The following CTNNA2 variants were observed in gnomAD, a reference collection of about 807,000 sequenced individuals.
The protein encoded by CTNNA2 is catenin alpha-2.
A neutral mutation model predicts 101.0 loss-of-function variants in CTNNA2; 42 were observed. The ratio of observed to expected loss-of-function variants is 0.42; its 90% confidence interval spans 0.32 to 0.54. The LOEUF (loss-of-function observed/expected upper bound fraction) is 0.54. Ranked by LOEUF, CTNNA2 falls within the 20% of genes least tolerant of loss-of-function variation. The probability of loss-of-function intolerance (pLI) is 0.14; values close to 1 mark genes in which losing one functional copy is unlikely to be tolerated. For missense variants in CTNNA2, 871 were observed against 1,223.1 expected (o/e 0.71, Z 4.29); for synonymous variants, 450 against 456.4 (o/e 0.99, Z 0.18).
At chr2:79,701,598 A>G (rs996005182) in intron 2 of CTNNA2, among the ~76,000 whole-genome samples, 1 of 152,118 alleles carries the variant, frequency 6.6e-6, no homozygotes, top group African/African-American at 2.4e-5. Context: ...GATACTAAAA[A>G]CCTAGTTATC....
At chr2:79,462,998 G>A (rs138835716) in intron 4 of CTNNA2, among the ~76,000 whole-genome samples, 22 of 152,270 alleles carry the variant, frequency 1.4e-4, no homozygotes, top group African/African-American at 4.3e-4. Flanking sequence ...GGTGAAACTC[G>A]CTAGACTATC....
intron 3 of CTNNA2, among the ~76,000 whole-genome samples, chr2:79,830,425 A>T (rs1336158925): frequency 6.6e-6 from 1 of 152,182 alleles, no homozygotes; most frequent in Non-Finnish European, 1.5e-5. Context: ...GTGCTAGGGA[A>T]TCATAGGCCA....
intron 1 of CTNNA2, among the ~76,000 whole-genome samples, chr2:79,624,074 C>T (rs1679161752): frequency 6.6e-6 from 1 of 151,986 alleles, no homozygotes; most frequent in South Asian, 2.1e-4. Flanking sequence ...GTTTTCTATA[C>T]TTTCCTTCTA....
At chr2:79,437,371 C>G (rs912789094) in intron 4 of CTNNA2, among the ~76,000 whole-genome samples, 1 of 152,188 alleles carries the variant, frequency 6.6e-6, no homozygotes. Flanking sequence ...TCTGAGCCAG[C>G]CTGACACAAG....
At chr2:80,575,879 G>A (rs905394496) in intron 13 of CTNNA2, among the ~76,000 whole-genome samples, 4 of 151,920 alleles carry the variant, frequency 2.6e-5, no homozygotes, top group South Asian at 4.1e-4. Context: ...TTGATTAGAC[G>A]GATTTCACAC....
Position 79,836,689 on chromosome 2 carries a change from T to C in CTNNA2, c.299-21324T>C, listed in dbSNP as rs560164546. Among the ~76,000 whole-genome samples the C allele has an allele frequency of 2.6e-5, 4 of 152,340 alleles. No homozygotes were observed. In the East Asian group the frequency reaches 5.8e-4, roughly 22 times the overall value. On this transcript the variant is annotated intron_variant, in intron 3 of 18. Coordinates refer to ENST00000402739, the MANE Select transcript of CTNNA2 (RefSeq NM_001282597.3). The stretch of plus-strand genomic sequence containing the variant: ...TTCATCTTTGGTGTGCCTTGACTTA[T>C]AGCTTCAGTCCTTTCATCTCTGACT...
intron 7 of CTNNA2, among the ~76,000 whole-genome samples, chr2:80,253,089 C>T (rs1173722287): frequency 1.3e-5 from 2 of 152,052 alleles, no homozygotes; most frequent in African/African-American, 2.4e-5. Context: ...TTTCACATCA[C>T]CATTATCTTT....
intron 8 of CTNNA2, among the ~76,000 whole-genome samples, chr2:80,409,805 A>C (rs1679404233): frequency 6.6e-6 from 1 of 152,198 alleles, no homozygotes; most frequent in Non-Finnish European, 1.5e-5. Flanking sequence ...ACACTTAAAA[A>C]TCCTGACTAA....
intron 9 of CTNNA2, among the ~76,000 whole-genome samples, chr2:80,534,985 AAAAT>A (rs1690879854): frequency 6.6e-6 from 1 of 152,214 alleles, no homozygotes; most frequent in Non-Finnish European, 1.5e-5. Context: ...CAATAATTAA[AAAAT>A]ATTGGTTAGA....
Position 80,303,529 on chromosome 2 carries a change from A to G in CTNNA2, c.1057-89682A>G. ...CCTGCACGGAGCAGATGTGATTGTG[A>G]TCCAGATAGAGCCACGTGAGCTGCA... On this transcript the variant is annotated intron_variant, in intron 7 of 18. Coordinates refer to ENST00000402739, the MANE Select transcript of CTNNA2 (RefSeq NM_001282597.3). This position sits in a 1 kb window ranked among gnomAD's most constrained non-coding sequence, Gnocchi z 7.7. 6.2e-7 allele frequency: 1 copy of G among 1,614,188 alleles called. No individual in the cohort carries two copies. Among genetic ancestry groups the G allele is most frequent in the Non-Finnish European group, 8.5e-7 (1 of 1,180,044 alleles).
chr2:80,221,163 G>A (rs1032233244), intron 7 of CTNNA2, among the ~76,000 whole-genome samples: 2 of 152,202 alleles, frequency 1.3e-5, no homozygotes, highest in Admixed American at 6.5e-5. Context: ...GATTACAGGC[G>A]TGAGCCACCT....
chr2:79,592,812 A>G (rs1335282836), intron 1 of CTNNA2, among the ~76,000 whole-genome samples: 1 of 152,128 alleles, frequency 6.6e-6, no homozygotes, highest in African/African-American at 2.4e-5. Context: ...TATCCAGCTA[A>G]TTTTTCTGCC....
intron 7 of CTNNA2, among the ~76,000 whole-genome samples, chr2:80,104,014 A>T (rs921729416): frequency 6.6e-6 from 1 of 152,172 alleles, no homozygotes; most frequent in Non-Finnish European, 1.5e-5. Flanking sequence ...GATTATAGGC[A>T]TGATCTCTCA....
intron 4 of CTNNA2, among the ~76,000 whole-genome samples, chr2:79,860,546 G>GTATTTTTT (rs1681520470): frequency 1.9e-5 from 2 of 107,180 alleles, no homozygotes; most frequent in African/African-American, 7.4e-5. Flanking sequence ...AGTAAGGGAA[G>GTATTTTTT]TTTTTTTTTT....
chr2:80,153,180 G>A (rs1703807250), intron 7 of CTNNA2, among the ~76,000 whole-genome samples: 1 of 152,182 alleles, frequency 6.6e-6, no homozygotes, highest in Admixed American at 6.5e-5. Context: ...CTGCTTCAGT[G>A]TCCATGCTAA....
intron 7 of CTNNA2, among the ~76,000 whole-genome samples, chr2:80,379,586 G>A (rs1377881425): frequency 1.3e-5 from 2 of 152,062 alleles, no homozygotes; most frequent in African/African-American, 4.8e-5. Flanking sequence ...CCAGTAAATG[G>A]TTACAAAAAT....
At chr2:79,731,809 G>A (rs1480691264) in intron 2 of CTNNA2, among the ~76,000 whole-genome samples, 3 of 142,674 alleles carry the variant, frequency 2.1e-5, no homozygotes, top group African/African-American at 5.3e-5. Flanking sequence ...AAAGTGGCAG[G>A]AAAATATTTA....
At chr2:79,760,507 T>C (rs1165683795) in intron 3 of CTNNA2, among the ~76,000 whole-genome samples, 3 of 152,124 alleles carry the variant, frequency 2.0e-5, no homozygotes, top group Non-Finnish European at 2.9e-5. Context: ...CCAGCAGACC[T>C]CGGTTTTTGC....
intron 1 of CTNNA2, among the ~76,000 whole-genome samples, chr2:79,516,579 T>C (rs1301910534): frequency 6.6e-6 from 1 of 152,122 alleles, no homozygotes; most frequent in Non-Finnish European, 1.5e-5. Flanking sequence ...ACAGTCAGAG[T>C]AATTATACTA....
Sources: gnomAD v4.1 joint callset for allele counts (sites outside exome capture counted in the v4.1 genomes callset) on GRCh38, gnomAD v4.1.1 for gene constraint, Gnocchi (gnomAD v3.1) non-coding constraint, MANE v1.5 for transcripts, NCBI Gene and HGNC (gene_info 2026-07-23, HGNC 2026-07-21) for gene names.